Variants in MACROD2 observed in about 807,000 individuals in gnomAD.
MACROD2 encodes mono-ADP ribosylhydrolase 2, also known as ADP-ribose glycohydrolase MACROD2.
A neutral mutation model predicts 70.4 loss-of-function variants in MACROD2; 36 were observed. The observed-to-expected ratio is 0.51, with a 90% confidence interval of 0.39 to 0.68. MACROD2 has a LOEUF of 0.68. Ranked by LOEUF, MACROD2 falls within the 30% of genes least tolerant of loss-of-function variation. The probability of loss-of-function intolerance (pLI) is 0.00; values close to 1 mark genes in which losing one functional copy is unlikely to be tolerated. For synonymous variants in MACROD2, 172 were observed against 178.8 expected (o/e 0.96, Z 0.30); for missense variants, 496 against 538.4 (o/e 0.92, Z 0.78).
At chr20:15,655,462 G>A (rs1386736565) in intron 8 of MACROD2, among the ~76,000 whole-genome samples, 2 of 151,974 alleles carry the variant, frequency 1.3e-5, no homozygotes, top group Admixed American at 1.3e-4. Context: ...TTCACAAGTG[G>A]TTTGGGGTTT....
chr20:15,140,767 C>T (rs2076185843), intron 5 of MACROD2, among the ~76,000 whole-genome samples: 1 of 152,050 alleles, frequency 6.6e-6, no homozygotes, highest in Non-Finnish European at 1.5e-5. Context: ...TCAGAGTGCT[C>T]CCTTAGGGAC....
intron 5 of MACROD2, among the ~76,000 whole-genome samples, chr20:15,059,370 G>C (rs958361405): frequency 1.5e-5 from 2 of 136,840 alleles, no homozygotes; most frequent in Non-Finnish European, 3.1e-5. Flanking sequence ...GGGAGACAGA[G>C]CAAGACTTTG....
At chr20:14,517,575 ATAC>A (rs1200754412) in intron 4 of MACROD2, among the ~76,000 whole-genome samples, 1 of 152,130 alleles carries the variant, frequency 6.6e-6, no homozygotes, top group African/African-American at 2.4e-5. Flanking sequence ...ATTAGGAGAA[ATAC>A]CTAATGTAGA....
intron 6 of MACROD2, among the ~76,000 whole-genome samples, chr20:15,285,858 G>A (rs1256017245): frequency 6.6e-6 from 1 of 152,090 alleles, no homozygotes; most frequent in African/African-American, 2.4e-5. Flanking sequence ...TATTTTTAAA[G>A]TGCTTTAAGG....
At chr20:14,625,429 G>T (rs1984089506) in intron 4 of MACROD2, among the ~76,000 whole-genome samples, 1 of 152,102 alleles carries the variant, frequency 6.6e-6, no homozygotes. Context: ...GATCTTTGTA[G>T]TATGTATCTG....
intron 6 of MACROD2, among the ~76,000 whole-genome samples, chr20:15,262,231 T>C (rs890055064): frequency 6.6e-6 from 1 of 152,034 alleles, no homozygotes; most frequent in East Asian, 1.9e-4. Flanking sequence ...TAACCATCAT[T>C]CTACTCTATC....
At chr20:14,592,230 A>G (rs989722643) in intron 4 of MACROD2, among the ~76,000 whole-genome samples, 9 of 152,234 alleles carry the variant, frequency 5.9e-5, no homozygotes, top group African/African-American at 2.2e-4. Context: ...AGAAGGTTAC[A>G]TGAAACTATC....
chr20:15,657,853 G>A (rs538907505), intron 8 of MACROD2, among the ~76,000 whole-genome samples: 6 of 152,266 alleles, frequency 3.9e-5, no homozygotes, highest in South Asian at 2.1e-4. Flanking sequence ...TTAGCTGTGC[G>A]TGGTGGCACA....
rs191284317 is a variant in MACROD2, at chr20:14,238,902, C to T, written c.271+153174C>T. 7.9e-5 allele frequency among the ~76,000 whole-genome samples: 12 copies of T among 152,092 alleles called. No individual in the cohort carries two copies. In the East Asian group the frequency reaches 2.1e-3, roughly 27 times the overall value. ...ATTAGCCAGACACAGTGGCATGAAC[C>T]TGTAGTCCCAGCTACTTGAGAGGCT... On this transcript the variant is annotated intron_variant, in intron 3 of 17. Coordinates refer to ENST00000684519, the MANE Select transcript of MACROD2 (RefSeq NM_001351661.2).
chr20:15,436,383 A>G (rs1004658327), intron 7 of MACROD2, among the ~76,000 whole-genome samples: 1 of 151,832 alleles, frequency 6.6e-6, no homozygotes, highest in Non-Finnish European at 1.5e-5. Flanking sequence ...TTTCAAAACC[A>G]TCACATCTCA....
At chr20:15,167,699 C>CA (rs1020201814) in intron 5 of MACROD2, among the ~76,000 whole-genome samples, 11 of 152,050 alleles carry the variant, frequency 7.2e-5, no homozygotes, top group South Asian at 2.1e-4. Flanking sequence ...GTTCAAAGTG[C>CA]AAAAAATATA....
At chr20:14,757,752 G>A (rs2071960223) in intron 5 of MACROD2, 1 of 1,533,682 alleles carries the variant, frequency 6.5e-7, no homozygotes. Context: ...TTTGCCTGGA[G>A]ACATTTCTAC....
intron 5 of MACROD2, among the ~76,000 whole-genome samples, chr20:15,117,047 G>A (rs1158322998): frequency 2.0e-5 from 3 of 152,104 alleles, no homozygotes; most frequent in Non-Finnish European, 4.4e-5. Flanking sequence ...ATTTTTCACT[G>A]TAGTCCTAAG....
chr20:15,915,682 G>A (rs73103542), intron 10 of MACROD2, among the ~76,000 whole-genome samples: 2 of 152,094 alleles, frequency 1.3e-5, no homozygotes, highest in Non-Finnish European at 2.9e-5. Flanking sequence ...GGGTGTGGGG[G>A]TGTAGGGAGG....
chr20:15,650,899 A>C (rs924789625), intron 8 of MACROD2, among the ~76,000 whole-genome samples: 5 of 152,190 alleles, frequency 3.3e-5, no homozygotes, highest in African/African-American at 1.2e-4. Context: ...TGTCATCAGC[A>C]CACCTGACAA....
At chr20:14,703,535 C>G (rs1354133488) in intron 5 of MACROD2, among the ~76,000 whole-genome samples, 1 of 152,062 alleles carries the variant, frequency 6.6e-6, no homozygotes, top group Non-Finnish European at 1.5e-5. Context: ...GTGCTCTAAC[C>G]TAGCTTTGTG....
intron 3 of MACROD2, among the ~76,000 whole-genome samples, chr20:14,176,846 T>C (rs1021945666): frequency 6.6e-6 from 1 of 152,196 alleles, no homozygotes; most frequent in East Asian, 1.9e-4. Context: ...AATGGTAGAT[T>C]TGTGTTAACT....
chr20:15,433,752 C>CAAAAAAAA (rs140272189), intron 7 of MACROD2, among the ~76,000 whole-genome samples: 1 of 147,276 alleles, frequency 6.8e-6, no homozygotes, highest in African/African-American at 2.5e-5. Flanking sequence ...TAATATTAAG[C>CAAAAAAAA]AAAAAAAAAA....
At chr20:15,560,811 G>A (rs1348435452) in intron 8 of MACROD2, among the ~76,000 whole-genome samples, 1 of 138,770 alleles carries the variant, frequency 7.2e-6, no homozygotes, top group African/African-American at 2.7e-5. Flanking sequence ...TAGTCTTTCT[G>A]TATAGGTCAA....
Sources: gnomAD v4.1 joint callset for allele counts (sites outside exome capture counted in the v4.1 genomes callset) on GRCh38, gnomAD v4.1.1 for gene constraint, MANE v1.5 for transcripts, NCBI Gene and HGNC (gene_info 2026-07-23, HGNC 2026-07-21) for gene names.